SLC9B1: variants seen among roughly 807,000 people sequenced by gnomAD.
SLC9B1 encodes the protein sodium/hydrogen exchanger 9B1.
In SLC9B1, 32 loss-of-function variants were observed where a neutral mutation model predicts 51.7. The ratio of observed to expected loss-of-function variants is 0.62; its 90% confidence interval spans 0.47 to 0.83. The LOEUF is 0.83. Ranked by LOEUF, SLC9B1 falls within the 40% of genes least tolerant of loss-of-function variation. The pLI, the probability that SLC9B1 is intolerant of heterozygous loss-of-function variation, is 0.00. For missense variants in SLC9B1, 406 were observed against 613.2 expected, an observed-to-expected ratio of 0.66 and a Z score of 3.57; for synonymous variants, 145 against 212.7, an observed-to-expected ratio of 0.68 and a Z score of 2.77.
At chr4:102,979,453 G>T (rs1301376067) in intron 3 of SLC9B1, among the ~76,000 whole-genome samples, 1 of 152,154 alleles carries the variant, frequency 6.6e-6, no homozygotes, top group African/African-American at 2.4e-5. Flanking sequence ...GTGAACTCCA[G>T]TCTGCTCATG....
intron 3 of SLC9B1, among the ~76,000 whole-genome samples, chr4:102,964,030 A>G (rs1738287561): frequency 6.6e-6 from 1 of 152,134 alleles, no homozygotes; most frequent in Admixed American, 6.5e-5. Context: ...CTTATTTCGG[A>G]AAGTCAAGAA....
At chr4:103,000,445 T>C (rs1008552153) in intron 1 of SLC9B1, among the ~76,000 whole-genome samples, 1 of 152,238 alleles carries the variant, frequency 6.6e-6, no homozygotes, top group Non-Finnish European at 1.5e-5. Flanking sequence ...ATGTCTCATC[T>C]GAAACAAGGC....
At chr4:102,998,757 C>A (rs1287328636) in intron 1 of SLC9B1, among the ~76,000 whole-genome samples, 1 of 152,138 alleles carries the variant, frequency 6.6e-6, no homozygotes, top group African/African-American at 2.4e-5. Flanking sequence ...CTGTAGTTTT[C>A]ATTTCCACTT....
In SLC9B1 at chr4:102,890,806, C is replaced by CAATAAGTAAGCTACTTAT. The variant is rs1327456037; in HGVS notation, c.1333-5479_1333-5478insATAAGTAGCTTACTTATT. The CAATAAGTAAGCTACTTAT allele has an allele frequency of 1.3e-3, 169 of 128,366 alleles. 4 individuals are homozygous for CAATAAGTAAGCTACTTAT. Among genetic ancestry groups the CAATAAGTAAGCTACTTAT allele is most frequent in the African/African-American group, 5.1e-3 (158 of 30,688 alleles). The allele number at this position is 128,366 out of a possible 1,614,324, so 8.0% of individuals were successfully genotyped here. On this transcript the variant is annotated intron_variant, in intron 11 of 11. Transcript: ENST00000394789. ...AGTGAGCCAAGATTGTGCCACTGCA[C>CAATAAGTAAGCTACTTAT]TCCAGCCTGGGCAACAGAAGTGAAA...
intron 1 of SLC9B1, among the ~76,000 whole-genome samples, chr4:103,001,760 C>T (rs770338970): frequency 2.2e-4 from 34 of 152,338 alleles, no homozygotes; most frequent in Admixed American, 3.9e-4. Context: ...TCCAAAGTCA[C>T]TTCCACATTT....
At chr4:102,929,993 A>G (rs1160278869) in intron 7 of SLC9B1, among the ~76,000 whole-genome samples, 2 of 152,260 alleles carry the variant, frequency 1.3e-5, no homozygotes, top group African/African-American at 4.8e-5. Flanking sequence ...ACTAAAGTAT[A>G]TAAAACAAAG....
rs1019532984 is a variant in SLC9B1, at chr4:102,905,409, G to A, written c.1332+105C>T. 5.2e-6 allele frequency: 6 copies of A among 1,144,066 alleles called. No homozygotes were observed. The African/African-American group carries it at 9.5e-5, about 18-fold the overall frequency. 70.9% of individuals were successfully genotyped at this position (1,144,066 alleles called of 1,614,324 possible). A position where few individuals can be genotyped will look rare whatever the true frequency, so the allele number is the denominator to read the frequency against. On this transcript the variant is annotated intron_variant, in intron 11 of 11. Transcript: ENST00000296422. ...TTATGATCAATCAAACATTTAAAAA[G>A]TAAGGATAATAGCTCATATTTTGTG...
At chr4:102,927,487 C>T (rs1251324903) in intron 7 of SLC9B1, among the ~76,000 whole-genome samples, 4 of 152,234 alleles carry the variant, frequency 2.6e-5, no homozygotes, top group Admixed American at 6.5e-5. Context: ...CTCATCATCA[C>T]TGGTCATCAG....
At chr4:102,937,997 T>C (rs777291920) in intron 6 of SLC9B1, among the ~76,000 whole-genome samples, 13 of 152,044 alleles carry the variant, frequency 8.6e-5, no homozygotes, top group Non-Finnish European at 1.3e-4. Context: ...GCTAACAACA[T>C]AATGACAGGA....
downstream of SLC9B1, among the ~76,000 whole-genome samples, chr4:102,899,486 T>C (rs1170170974): frequency 6.6e-6 from 1 of 151,868 alleles, no homozygotes; most frequent in Non-Finnish European, 1.5e-5. Context: ...CGATCTCAGC[T>C]CACTGCAACC....
chr4:103,005,644 T>C (rs1039513816), intron 1 of SLC9B1, among the ~76,000 whole-genome samples: 1 of 152,086 alleles, frequency 6.6e-6, no homozygotes, highest in Non-Finnish European at 1.5e-5. Context: ...CCCAAAACAA[T>C]AGAATATACA....
chr4:102,938,152 A>G (rs1257260127), intron 6 of SLC9B1, among the ~76,000 whole-genome samples: 2 of 152,210 alleles, frequency 1.3e-5, no homozygotes, highest in South Asian at 2.1e-4. Context: ...AACGATACCC[A>G]TTGGCTCAAA....
At chr4:102,992,818 G>C (rs1170805243) in intron 1 of SLC9B1, among the ~76,000 whole-genome samples, 1 of 152,102 alleles carries the variant, frequency 6.6e-6, no homozygotes, top group Non-Finnish European at 1.5e-5. Context: ...AATTTATAAA[G>C]GAAAGAGGTT....
chr4:102,938,685 C>A (rs1303807725), intron 6 of SLC9B1, among the ~76,000 whole-genome samples: 1 of 151,998 alleles, frequency 6.6e-6, no homozygotes, highest in Non-Finnish European at 1.5e-5. Context: ...ACTCTTGGAC[C>A]CGCAGTGTAA....
intron 7 of SLC9B1, among the ~76,000 whole-genome samples, chr4:102,930,540 G>A (rs1736397229): frequency 6.6e-6 from 1 of 152,156 alleles, no homozygotes; most frequent in African/African-American, 2.4e-5. Flanking sequence ...GAGTAGCTGG[G>A]ATTACAGATG....
intron 3 of SLC9B1, among the ~76,000 whole-genome samples, chr4:102,960,279 A>T (rs1477576215): frequency 1.3e-5 from 2 of 151,940 alleles, no homozygotes; most frequent in Non-Finnish European, 2.9e-5. Flanking sequence ...GGTATAAAGG[A>T]AGGATGTTCT....
chr4:102,890,192 A>G (rs540036719), intron 11 of SLC9B1: 4 of 152,338 alleles, frequency 2.6e-5, no homozygotes, highest in Admixed American at 6.5e-5. Context: ...TTTGAGTTCA[A>G]TGCCAAATAC....
chr4:102,918,359 A>T (rs1735693054), intron 7 of SLC9B1, among the ~76,000 whole-genome samples: 1 of 152,150 alleles, frequency 6.6e-6, no homozygotes. Context: ...GTCACAAAAT[A>T]AAAAATCTTA....
At chr4:102,982,773 G>GT (rs932059508) in intron 3 of SLC9B1, among the ~76,000 whole-genome samples, 11 of 151,896 alleles carry the variant, frequency 7.2e-5, no homozygotes, top group South Asian at 2.1e-4. Flanking sequence ...TGTTCCAGGA[G>GT]TTTTTTTTAC....
Sources: gnomAD v4.1 joint callset for allele counts (sites outside exome capture counted in the v4.1 genomes callset) on GRCh38, gnomAD v4.1.1 for gene constraint, MANE v1.5 for transcripts, NCBI Gene and HGNC (gene_info 2026-07-23, HGNC 2026-07-21) for gene names.